PLPPR5: variants seen among roughly 807,000 people sequenced by gnomAD.
PLPPR5 encodes the protein phospholipid phosphatase related 5.
PLPPR5 carries 16 observed loss-of-function variants against 33.9 expected under a neutral mutation model. That is an observed-to-expected ratio of 0.47 (90% CI 0.32 to 0.72). PLPPR5 has a LOEUF of 0.72. PLPPR5 is among the 30% of genes least tolerant of loss of function. The probability of loss-of-function intolerance (pLI) is 0.03; values close to 1 mark genes in which losing one functional copy is unlikely to be tolerated. For synonymous variants in PLPPR5, 163 were observed against 150.3 expected (o/e 1.08, Z -0.62); for missense variants, 301 against 406.7 (o/e 0.74, Z 2.23).
rs565089760 is a variant in PLPPR5, at chr1:98,893,423, G to A, written c.934-319C>T. Among the ~76,000 whole-genome samples the A allele has an allele frequency of 2.6e-4, 39 of 152,074 alleles. No individual in the cohort carries two copies. The South Asian group carries it at 7.9e-3, about 31-fold the overall frequency. On this transcript the variant is annotated intron_variant, in intron 5 of 5. Transcript: ENST00000263177. ...TGTTCAGTGTTAATGGAATTTTAAT[G>A]CTGCATGTTGGAGTTTCAGATTAAT...
intron 1 of PLPPR5, among the ~76,000 whole-genome samples, chr1:98,999,338 T>G (rs1652744394): frequency 6.6e-6 from 1 of 152,160 alleles, no homozygotes; most frequent in Non-Finnish European, 1.5e-5. Flanking sequence ...TTACCTCAAT[T>G]TTACAATAGA....
At chr1:98,932,540 A>G (rs1225041140) in intron 3 of PLPPR5, among the ~76,000 whole-genome samples, 3 of 152,236 alleles carry the variant, frequency 2.0e-5, no homozygotes, top group African/African-American at 7.2e-5. Flanking sequence ...TCTCACAATG[A>G]ATAATCTATG....
At chr1:98,999,020 T>C (rs1010945374) in intron 1 of PLPPR5, among the ~76,000 whole-genome samples, 3 of 152,170 alleles carry the variant, frequency 2.0e-5, no homozygotes, top group African/African-American at 7.2e-5. Context: ...AAGATAGGAA[T>C]CATTAATTTC....
chr1:98,976,754 G>T (rs1224617653), intron 1 of PLPPR5, among the ~76,000 whole-genome samples: 1 of 152,016 alleles, frequency 6.6e-6, no homozygotes, highest in African/African-American at 2.4e-5. Context: ...TTGATTACAT[G>T]TTAGAATATT....
At chr1:98,955,240 A>G (rs986069573) in intron 2 of PLPPR5, among the ~76,000 whole-genome samples, 3 of 152,148 alleles carry the variant, frequency 2.0e-5, no homozygotes, top group Admixed American at 6.5e-5. Context: ...ATAAAATCAT[A>G]TAAGAAGAAG....
chr1:98,970,755 T>A (rs976291161), intron 1 of PLPPR5, among the ~76,000 whole-genome samples: 1 of 151,974 alleles, frequency 6.6e-6, no homozygotes, highest in South Asian at 2.1e-4. Context: ...AAATGACAGA[T>A]CTGACAGTCT....
intron 2 of PLPPR5, among the ~76,000 whole-genome samples, chr1:98,953,884 T>C (rs1650900296): frequency 6.6e-6 from 1 of 152,150 alleles, no homozygotes; most frequent in Admixed American, 6.6e-5. Context: ...GCTTTCAGAG[T>C]AATCTCTACA....
chr1:98,985,223 T>C (rs1163852352), intron 1 of PLPPR5, among the ~76,000 whole-genome samples: 1 of 152,004 alleles, frequency 6.6e-6, no homozygotes, highest in African/African-American at 2.4e-5. Flanking sequence ...AGGGAGAGGA[T>C]TGATAATAAC....
chr1:98,900,384 G>A (rs937513648), intron 5 of PLPPR5, among the ~76,000 whole-genome samples: 2 of 152,046 alleles, frequency 1.3e-5, no homozygotes, highest in Admixed American at 1.3e-4. Flanking sequence ...GCATTGCTAA[G>A]TTCAGACAGG....
At chr1:98,970,624 A>G (rs905125767) in intron 1 of PLPPR5, among the ~76,000 whole-genome samples, 3 of 151,900 alleles carry the variant, frequency 2.0e-5, no homozygotes, top group Non-Finnish European at 2.9e-5. Flanking sequence ...CATCTTACAT[A>G]TATTAACTTG....
At chr1:98,916,655 G>A (rs932738902) in intron 4 of PLPPR5, among the ~76,000 whole-genome samples, 18 of 152,192 alleles carry the variant, frequency 1.2e-4, no homozygotes, top group African/African-American at 3.6e-4. Context: ...ATCAAATTTG[G>A]TCTGTGGGCT....
At chr1:98,991,261 A>G (rs1252479144) in intron 1 of PLPPR5, 3 of 151,228 alleles carry the variant, frequency 2.0e-5, no homozygotes, top group African/African-American at 7.3e-5. Context: ...GTGTCACCAT[A>G]CTGTGTTTTG....
intron 2 of PLPPR5, among the ~76,000 whole-genome samples, chr1:98,956,255 T>C (rs1650994353): frequency 6.6e-6 from 1 of 152,212 alleles, no homozygotes; most frequent in Admixed American, 6.5e-5. Flanking sequence ...GGTGTTCTTT[T>C]TTCCTTAAAA....
chr1:98,980,292 A>G (rs1008403789), intron 1 of PLPPR5, among the ~76,000 whole-genome samples: 2 of 152,020 alleles, frequency 1.3e-5, no homozygotes, highest in Non-Finnish European at 2.9e-5. Flanking sequence ...CTTCCTTTGC[A>G]AACTTTTATG....
intron 3 of PLPPR5, among the ~76,000 whole-genome samples, chr1:98,936,094 G>A (rs2101184283): frequency 6.6e-6 from 1 of 152,266 alleles, no homozygotes. Flanking sequence ...GCAAGTTAAT[G>A]AATTTCTTTG....
chr1:98,986,036 G>A (rs1202659436), intron 1 of PLPPR5, among the ~76,000 whole-genome samples: 2 of 151,958 alleles, frequency 1.3e-5, no homozygotes, highest in African/African-American at 2.4e-5. Flanking sequence ...TTTGGAGAAT[G>A]TTAATGGGAT....
chr1:98,923,954 C>G (rs1649664135), intron 3 of PLPPR5, among the ~76,000 whole-genome samples: 2 of 152,184 alleles, frequency 1.3e-5, no homozygotes, highest in African/African-American at 4.8e-5. Context: ...TATGAATAGA[C>G]AGGGAAATTC....
At chr1:98,955,838 C>T (rs1055252087) in intron 2 of PLPPR5, among the ~76,000 whole-genome samples, 3 of 152,028 alleles carry the variant, frequency 2.0e-5, no homozygotes, top group African/African-American at 7.2e-5. Flanking sequence ...TTAGCATATA[C>T]ACTTATTTTT....
intron 1 of PLPPR5, among the ~76,000 whole-genome samples, chr1:98,974,708 A>C (rs1651783288): frequency 6.6e-6 from 1 of 152,076 alleles, no homozygotes; most frequent in Admixed American, 6.6e-5. Context: ...ATTCAGTATC[A>C]AGTCTCCTCT....
Sources: allele counts gnomAD v4.1 joint callset (sites outside exome capture counted in the v4.1 genomes callset), GRCh38; gene constraint gnomAD v4.1.1; transcripts MANE v1.5; gene names NCBI Gene and HGNC (gene_info 2026-07-23, HGNC 2026-07-21).